IFT27: variants seen among roughly 807,000 people sequenced by gnomAD.
IFT27 encodes the protein intraflagellar transport protein 27 homolog.
A neutral mutation model predicts 23.9 loss-of-function variants in IFT27; 19 were observed. The ratio of observed to expected loss-of-function variants is 0.79; its 90% CI spans 0.55 to 1.16. The LOEUF (loss-of-function observed/expected upper bound fraction) is 1.16. Among genes scored for constraint, IFT27 ranks in the 50% most tolerant of loss-of-function variants. The probability of loss-of-function intolerance (pLI) is 0.00; values close to 1 mark genes in which losing one functional copy is unlikely to be tolerated. For missense variants in IFT27, 206 were observed against 228.7 expected (o/e 0.90, Z 0.64); for synonymous variants, 91 against 89.1 (o/e 1.02, Z -0.12).
At chr22:36,766,062 CTG>C (rs1431376015) in intron 4 of IFT27, 74 bp downstream of exon 4, 2 of 1,148,588 alleles carry the variant, frequency 1.7e-6, no homozygotes, top group African/African-American at 1.5e-5. Flanking sequence ...AGGGAAACTG[CTG>C]TGTGAGCACT....
rs1011105053 is a variant in IFT27 at position 36,775,824 on chromosome 22, T to C, written c.-117A>G. On this transcript the variant is annotated 5_prime_UTR_variant, in exon 1 of 7. Transcript: ENST00000433985. ...GACGGGAAGGTGGGGAGGGGAGGGC[T>C]GATCTCAAGGGTCAGTGGCCGCGAC... is the stretch of plus-strand genomic sequence containing the variant. The C allele has an allele frequency of 1.0e-5, 10 of 992,144 alleles. No individual in the cohort carries two copies. In the African/African-American group the frequency reaches 1.3e-4, roughly 13 times the overall value. The allele number at this position is 992,144 out of a possible 1,614,324, so 61.5% of individuals were successfully genotyped here. A position where few individuals can be genotyped will look rare whatever the true frequency, so the allele number is the denominator to read the frequency against.
intron 2 of IFT27, 85 bp from the exon 3 acceptor site, chr22:36,767,450 CA>C: frequency 8.3e-7 from 1 of 1,205,214 alleles, no homozygotes; most frequent in Non-Finnish European, 1.2e-6. Context: ...ACCCCGATCC[CA>C]GGAGGGCTAT....
At position 36,763,915 on chromosome 22, in the gene IFT27, G is replaced by T; in HGVS notation, c.352+4C>A. On this transcript the variant is annotated splice_donor_region_variant and intron_variant, in intron 5 of 6. Transcript: ENST00000433985. ...TGGGAAACATGGGTGTCTGCAGCCC[G>T]TACCTGGGAGAGAGATGCCTGGAGC... 1 of 1,596,954 alleles carries T rather than the reference G, an allele frequency of 6.3e-7. No homozygotes were observed. Among genetic ancestry groups the T allele is most frequent in the Non-Finnish European group, 8.6e-7 (1 of 1,164,324 alleles).
rs201534129 is a variant in IFT27 at position 36,758,282 on chromosome 22, G to A, written c.*29C>T. The A allele has an allele frequency of 9.5e-5, 145 of 1,518,716 alleles. No individual in the cohort carries two copies. In the East Asian group the frequency reaches 1.7e-3, roughly 18 times the overall value. The allele number at this position is 1,518,716 out of a possible 1,614,324, so 94.1% of individuals were successfully genotyped here. On this transcript the variant is annotated 3_prime_UTR_variant, in exon 7 of 7. Transcript: ENST00000433985. ...GAGCAGAGGTAATTCTGTCTTCTCC[G>A]GTTGTGCAGCACGATCTGCTCCAGC...
At chr22:36,764,413 CAA>C (rs1452702671) in intron 4 of IFT27, among the ~76,000 whole-genome samples, 2 of 152,250 alleles carry the variant, frequency 1.3e-5, no homozygotes, top group African/African-American at 4.8e-5. Context: ...GCTTTAAAAA[CAA>C]AGACAACGAT....
In IFT27 at chr22:36,773,515, A is replaced by T. The variant is rs1010605260; in HGVS notation, c.34+2159T>A. ...AAAAAATACAAAAAATTAGCTGGGTATGGTGGTGGGCGCCTGTAATCCCAG... is the reference window on the plus strand; with the variant it reads ...AAAAAATACAAAAAATTAGCTGGGTTTGGTGGTGGGCGCCTGTAATCCCAG... On this transcript the variant is annotated intron_variant, in intron 1 of 6. Transcript: ENST00000433985. 1.3e-3 allele frequency among the ~76,000 whole-genome samples: 202 copies of T among 151,890 alleles called. 2 individuals are homozygous for T. Among genetic ancestry groups the T allele is most frequent in the Middle Eastern group, 6.8e-3 (2 of 294 alleles).
intron 3 of IFT27, chr22:36,766,566 C>A (rs529407335): frequency 1.2e-4 from 33 of 281,104 alleles, no homozygotes; most frequent in African/African-American, 6.9e-4. Context: ...CTTTGTTAAC[C>A]AAATTGATTT....
chr22:36,761,717 G>A (rs567563644), intron 6 of IFT27: 4 of 152,282 alleles, frequency 2.6e-5, no homozygotes, highest in African/African-American at 9.6e-5. Context: ...AGGTTCCCAC[G>A]GCGAGTTCTG....
intron 1 of IFT27, among the ~76,000 whole-genome samples, chr22:36,770,344 C>A (rs1032665199): frequency 1.3e-5 from 2 of 152,052 alleles, no homozygotes; most frequent in African/African-American, 4.8e-5. Flanking sequence ...CTGCCCTGGC[C>A]TGGTTCTCCT....
At chr22:36,774,089 A>G (rs536842039) in intron 1 of IFT27, among the ~76,000 whole-genome samples, 1 of 152,342 alleles carries the variant, frequency 6.6e-6, no homozygotes, top group South Asian at 2.1e-4. Flanking sequence ...TGACACAGCC[A>G]ATAAGAGGAA....
At chr22:36,759,637 T>C (rs1938025312) in intron 6 of IFT27, 1 of 152,348 alleles carries the variant, frequency 6.6e-6, no homozygotes, top group South Asian at 2.1e-4. Context: ...AAGCTATGAA[T>C]GCACTAAGAA....
chr22:36,775,295 A>T (rs1213995228), intron 1 of IFT27, among the ~76,000 whole-genome samples: 1 of 152,180 alleles, frequency 6.6e-6, no homozygotes, highest in Non-Finnish European at 1.5e-5. Flanking sequence ...AAAGTCACTG[A>T]TGCCTAACTT....
chr22:36,773,904 T>C (rs1938441685), intron 1 of IFT27, among the ~76,000 whole-genome samples: 1 of 152,326 alleles, frequency 6.6e-6, no homozygotes, highest in Non-Finnish European at 1.5e-5. Flanking sequence ...CCACCTGTAT[T>C]GAGGGTCTAG....
chr22:36,762,630 C>T (rs1335926301), intron 6 of IFT27: 5 of 306,544 alleles, frequency 1.6e-5, no homozygotes, highest in Admixed American at 1.0e-4. Context: ...ATGCAAACGT[C>T]GAGGGTCATG....
intron 1 of IFT27, among the ~76,000 whole-genome samples, chr22:36,770,344 CT>C (rs1938361226): frequency 6.6e-6 from 1 of 152,052 alleles, no homozygotes; most frequent in Non-Finnish European, 1.5e-5. Context: ...CTGCCCTGGC[CT>C]GGTTCTCCTG....
intron 5 of IFT27, chr22:36,763,535 T>G: frequency 5.8e-6 from 2 of 347,026 alleles, no homozygotes; most frequent in South Asian, 2.6e-5. Flanking sequence ...GGACGAAAAA[T>G]AAACTGATTT....
In IFT27 at chr22:36,775,222, C is replaced by T. The variant is rs16997300; in HGVS notation, c.34+452G>A. ...TGCCTTTTGCAAACTCTGGTCACTACACTCAGGTCACCGTTATCAGAGGGG... is the reference window on the plus strand; with the variant it reads ...TGCCTTTTGCAAACTCTGGTCACTATACTCAGGTCACCGTTATCAGAGGGG... On this transcript the variant is annotated intron_variant, in intron 1 of 6. Transcript: ENST00000433985. 3.0e-4 allele frequency among the ~76,000 whole-genome samples: 45 copies of T among 150,110 alleles called. 1 individual carries two copies. In the East Asian group the frequency reaches 8.8e-3, roughly 29 times the overall value.
intron 6 of IFT27, 21 bp downstream of exon 6, chr22:36,762,883 G>C (rs370252458): frequency 3.3e-6 from 5 of 1,504,120 alleles, no homozygotes; most frequent in South Asian, 2.5e-5. Flanking sequence ...ACTTGGCGAC[G>C]AGGCAAGTGG....
At position 36,767,839 on chromosome 22, in the gene IFT27, C is replaced by A; in HGVS notation, c.58G>T (p.Ala20Ser). Residue 20 changes from alanine (A) to serine (S), a missense_variant, in exon 2 of 7, where the codon GCC (alanine) becomes TCC (serine). Ala to Ser is a moderately conservative substitution (Grantham distance 99, BLOSUM62 1). Coordinates refer to ENST00000433985, the MANE Select transcript of IFT27 (RefSeq NM_001177701.3). ...TCACTGCGGAAGATCTGTGCCAGGG[C>A]GGTCTTGCCCACTGCTGGGTCTCCT... The part of the protein sequence containing the change: ...LAGDPAVGKT[A>S]LAQIFRSDGA... 6.2e-7 allele frequency: 1 copy of A among 1,614,168 alleles called. No homozygotes were observed.
Sources: allele counts gnomAD v4.1 joint callset (sites outside exome capture counted in the v4.1 genomes callset), GRCh38; gene constraint gnomAD v4.1.1; transcripts MANE v1.5; gene names NCBI Gene and HGNC (gene_info 2026-07-23, HGNC 2026-07-21).